CCSER1: variants seen among roughly 807,000 people sequenced by gnomAD.
CCSER1 encodes the protein serine-rich coiled-coil domain-containing protein 1.
CCSER1 carries 41 observed loss-of-function variants against 82.0 expected under a neutral mutation model. The ratio of observed to expected loss-of-function variants is 0.50; its 90% CI spans 0.39 to 0.65. CCSER1 has a LOEUF of 0.65. Ranked by LOEUF, CCSER1 falls within the 30% of genes least tolerant of loss-of-function variation. CCSER1 has a pLI of 0.00. For synonymous variants in CCSER1, 414 were observed against 383.9 expected, an observed-to-expected ratio of 1.08 and a Z score of -0.92; for missense variants, 1,119 against 1,064.2, an observed-to-expected ratio of 1.05 and a Z score of -0.72.
At chr4:91,383,327 C>G (rs1217598792) in intron 10 of CCSER1, among the ~76,000 whole-genome samples, 1 of 151,944 alleles carries the variant, frequency 6.6e-6, no homozygotes. Flanking sequence ...GCTTTCCTAA[C>G]CATTTTTTCT....
chr4:90,787,043 A>T (rs1178593132), intron 7 of CCSER1, among the ~76,000 whole-genome samples: 1 of 152,228 alleles, frequency 6.6e-6, no homozygotes, highest in Non-Finnish European at 1.5e-5. Flanking sequence ...GTGACCATAG[A>T]GTGAGGTATG....
chr4:91,165,868 C>G (rs954116381), intron 10 of CCSER1, among the ~76,000 whole-genome samples: 1 of 152,198 alleles, frequency 6.6e-6, no homozygotes, highest in South Asian at 2.1e-4. Context: ...AGGGAAATCC[C>G]CCAACCCATT....
At chr4:91,055,542 C>T (rs1268756482) in intron 9 of CCSER1, among the ~76,000 whole-genome samples, 5 of 152,082 alleles carry the variant, frequency 3.3e-5, no homozygotes, top group Non-Finnish European at 7.3e-5. Flanking sequence ...TCAGATGTGC[C>T]AAATTGTGTC....
chr4:91,521,038 C>G (rs1228123757), intron 10 of CCSER1, among the ~76,000 whole-genome samples: 1 of 152,126 alleles, frequency 6.6e-6, no homozygotes, highest in Non-Finnish European at 1.5e-5. Context: ...GTCCCCCAGA[C>G]CCCCGCCCCT....
chr4:90,753,398 T>C (rs146915460), intron 7 of CCSER1, among the ~76,000 whole-genome samples: 1 of 152,102 alleles, frequency 6.6e-6, no homozygotes, highest in African/African-American at 2.4e-5. Flanking sequence ...AGAGGCAATT[T>C]TGGGGTGACA....
chr4:91,190,390 C>T (rs570025491), intron 10 of CCSER1, among the ~76,000 whole-genome samples: 1 of 152,292 alleles, frequency 6.6e-6, no homozygotes, highest in South Asian at 2.1e-4. Context: ...TTCCTCTTCC[C>T]ATGTGGCAAA....
intron 10 of CCSER1, among the ~76,000 whole-genome samples, chr4:91,542,887 T>G (rs1356069450): frequency 6.6e-6 from 1 of 152,184 alleles, no homozygotes; most frequent in African/African-American, 2.4e-5. Flanking sequence ...ATCTGTCTAA[T>G]GTTGACAGTG....
rs1311646324 is a variant in CCSER1 at position 90,571,610 on chromosome 4, C to CG, written c.1725-56410dup. 6.6e-5 allele frequency among the ~76,000 whole-genome samples: 10 copies of CG among 152,154 alleles called. No homozygotes were observed. In the East Asian group the frequency reaches 7.7e-4, roughly 12 times the overall value. ...GACTCCAAAATGAGGGAGGGAGGAACGGGGGCAAGTGCTGAAAAACTAACT... is the reference window on the plus strand; with the variant it reads ...GACTCCAAAATGAGGGAGGGAGGAACGGGGGGCAAGTGCTGAAAAACTAACT... On this transcript the variant is annotated intron_variant, in intron 5 of 10. Transcript: ENST00000509176.
At chr4:91,337,032 A>G (rs1578216366) in intron 10 of CCSER1, among the ~76,000 whole-genome samples, 5 of 152,086 alleles carry the variant, frequency 3.3e-5, no homozygotes, top group Admixed American at 3.3e-4. Context: ...TTTCATATAA[A>G]TGCTTACATA....
chr4:91,481,339 A>T (rs907688573), intron 10 of CCSER1, among the ~76,000 whole-genome samples: 1 of 152,020 alleles, frequency 6.6e-6, no homozygotes, highest in African/African-American at 2.4e-5. Flanking sequence ...TAGCTTGTAG[A>T]TGGCTATCTT....
chr4:91,139,872 T>C (rs1398514322), intron 10 of CCSER1, among the ~76,000 whole-genome samples: 2 of 152,138 alleles, frequency 1.3e-5, no homozygotes, highest in African/African-American at 2.4e-5. Flanking sequence ...AGCCAGTCCA[T>C]TGAGACTAGT....
chr4:91,237,058 TGA>T (rs1170655013), intron 10 of CCSER1, among the ~76,000 whole-genome samples: 1 of 152,208 alleles, frequency 6.6e-6, no homozygotes, highest in Non-Finnish European at 1.5e-5. Flanking sequence ...AAGTTATCAC[TGA>T]ATCTGTTTTA....
chr4:90,611,818 C>T (rs1785539441), intron 5 of CCSER1, among the ~76,000 whole-genome samples: 1 of 148,840 alleles, frequency 6.7e-6, no homozygotes, highest in African/African-American at 2.4e-5. Context: ...ATATATACAG[C>T]TTATTTCTGT....
intron 6 of CCSER1, among the ~76,000 whole-genome samples, chr4:90,703,287 G>C (rs1298287674): frequency 6.6e-6 from 1 of 152,184 alleles, no homozygotes; most frequent in Admixed American, 6.5e-5. Flanking sequence ...GAAGTTTTGA[G>C]TGACTTTCTT....
At chr4:90,185,885 T>G (rs1347679706) in intron 1 of CCSER1, among the ~76,000 whole-genome samples, 8 of 152,056 alleles carry the variant, frequency 5.3e-5, no homozygotes, top group Admixed American at 5.3e-4. Flanking sequence ...CATCCCTCAT[T>G]AGAGACCAAT....
chr4:90,786,199 C>T (rs17246122), intron 7 of CCSER1, among the ~76,000 whole-genome samples: 80,591 of 151,966 alleles, frequency 0.53, 21,967 homozygotes, highest in African/African-American at 0.66. Flanking sequence ...CACGTGGAAG[C>T]GCAACTGAAG....
At chr4:91,214,232 TCTCCAGTTCGATAATCTTTA>T (rs1233133051) in intron 10 of CCSER1, among the ~76,000 whole-genome samples, 3 of 152,148 alleles carry the variant, frequency 2.0e-5, no homozygotes, top group African/African-American at 7.2e-5. Flanking sequence ...ACAATAGTTA[TCTCCAGTTCGATAATCTTTA>T]CTCCACAGAG....
intron 4 of CCSER1, among the ~76,000 whole-genome samples, chr4:90,401,904 C>T (rs543752058): frequency 3.3e-5 from 5 of 152,228 alleles, no homozygotes; most frequent in Admixed American, 6.5e-5. Context: ...AAAACCAAAC[C>T]CACTGATCAA....
intron 5 of CCSER1, among the ~76,000 whole-genome samples, chr4:90,503,560 C>T (rs1055155124): frequency 2.0e-5 from 3 of 152,258 alleles, no homozygotes; most frequent in Non-Finnish European, 4.4e-5. Flanking sequence ...TATCCCTCCC[C>T]ACTCCCTCAA....
Sources: gnomAD v4.1 joint callset for allele counts (sites outside exome capture counted in the v4.1 genomes callset) on GRCh38, gnomAD v4.1.1 for gene constraint, MANE v1.5 for transcripts, NCBI Gene and HGNC (gene_info 2026-07-23, HGNC 2026-07-21) for gene names.